The following KCNAB1 variants were observed in gnomAD, a reference collection of about 807,000 sequenced individuals.
The protein encoded by KCNAB1 is potassium voltage-gated channel subfamily A regulatory beta subunit 1, also known as voltage-gated potassium channel subunit beta-1.
A neutral mutation model predicts 64.6 loss-of-function variants in KCNAB1; 35 were observed. The observed-to-expected ratio is 0.54, with a 90% CI of 0.41 to 0.72. The LOEUF (loss-of-function observed/expected upper bound fraction) is 0.72, where lower values mean the gene tolerates loss of function less well. Ranked by LOEUF, KCNAB1 falls within the 30% of genes least tolerant of loss-of-function variation. The pLI is 0.00. For missense variants in KCNAB1, 401 were observed against 512.9 expected (o/e 0.78, Z 2.11); for synonymous variants, 177 against 183.8 (o/e 0.96, Z 0.30).
intron 1 of KCNAB1, among the ~76,000 whole-genome samples, chr3:156,197,079 G>C (rs894933610): frequency 6.6e-6 from 1 of 152,104 alleles, no homozygotes; most frequent in Non-Finnish European, 1.5e-5. Context: ...TTTGTCATTG[G>C]CTCTGTTTAT....
chr3:156,119,638 G>GGGT (rs1713230466), upstream of KCNAB1, among the ~76,000 whole-genome samples: 1 of 152,148 alleles, frequency 6.6e-6, no homozygotes, highest in South Asian at 2.1e-4. Context: ...TTGAGGGGGA[G>GGGT]GGTGCCTGGT....
intron 1 of KCNAB1, among the ~76,000 whole-genome samples, chr3:156,341,505 C>A (rs1020387661): frequency 2.0e-5 from 3 of 152,232 alleles, no homozygotes; most frequent in Admixed American, 1.3e-4. Context: ...TCATTCCCCC[C>A]TCTTGCTACT....
intron 3 of KCNAB1, chr3:156,456,780 A>G (rs934214332): frequency 2.0e-5 from 3 of 152,294 alleles, no homozygotes; most frequent in East Asian, 3.8e-4. Context: ...TAAGCTGTGT[A>G]TAGCTATTCT....
chr3:156,367,489 T>C (rs1426856510), intron 1 of KCNAB1, among the ~76,000 whole-genome samples: 4 of 152,100 alleles, frequency 2.6e-5, no homozygotes, highest in Non-Finnish European at 5.9e-5. Flanking sequence ...CCGAGTAATC[T>C]ATTTTAACAC....
At chr3:156,230,612 A>G (rs1391912438) in intron 1 of KCNAB1, among the ~76,000 whole-genome samples, 1 of 152,222 alleles carries the variant, frequency 6.6e-6, no homozygotes, top group Non-Finnish European at 1.5e-5. Context: ...TGTGGAATTT[A>G]CATGAGAGAG....
At chr3:156,276,650 G>A (rs920130178) in intron 1 of KCNAB1, among the ~76,000 whole-genome samples, 1 of 152,082 alleles carries the variant, frequency 6.6e-6, no homozygotes, top group Non-Finnish European at 1.5e-5. Flanking sequence ...TTTATGTTAT[G>A]GAGATGGCTT....
At chr3:156,461,067 A>G (rs1712870207) in intron 5 of KCNAB1, among the ~76,000 whole-genome samples, 1 of 152,196 alleles carries the variant, frequency 6.6e-6, no homozygotes, top group South Asian at 2.1e-4. Context: ...TTATATATGG[A>G]AAAACATTCA....
intron 1 of KCNAB1, among the ~76,000 whole-genome samples, chr3:156,219,824 C>T (rs1462394646): frequency 1.3e-5 from 2 of 151,892 alleles, no homozygotes; most frequent in African/African-American, 4.8e-5. Context: ...CCCATCAACT[C>T]GTCATTTACA....
At chr3:156,363,591 T>C (rs1444651283) in intron 1 of KCNAB1, among the ~76,000 whole-genome samples, 1 of 152,104 alleles carries the variant, frequency 6.6e-6, no homozygotes, top group Non-Finnish European at 1.5e-5. Flanking sequence ...TTCTGTTGCC[T>C]CAGCCTCCTG....
intron 2 of KCNAB1, among the ~76,000 whole-genome samples, chr3:156,432,572 T>C (rs936821069): frequency 2.0e-5 from 3 of 152,192 alleles, no homozygotes; most frequent in African/African-American, 7.2e-5. Flanking sequence ...GATGAGGTAA[T>C]GAGCAATGGC....
At position 156,454,904 on chromosome 3, in the gene KCNAB1, G is replaced by A. The variant is rs926719122; in HGVS notation, c.357+1968G>A. Among the ~76,000 whole-genome samples the A allele has an allele frequency of 8.7e-4, 133 of 152,120 alleles. 3 individuals carry two copies. Among genetic ancestry groups the A allele is most frequent in the Admixed American group, 2.6e-4 (4 of 15,266 alleles). On this transcript the variant is annotated intron_variant, in intron 3 of 13. Transcript: ENST00000490337. ...GCTGCAATGAGCCAAGCTTGCCCGG[G>A]TCGTAGTGTGAAGGGCTGACCTCTG...
At chr3:156,160,276 T>C (rs931912087) in intron 1 of KCNAB1, among the ~76,000 whole-genome samples, 1 of 152,236 alleles carries the variant, frequency 6.6e-6, no homozygotes, top group Non-Finnish European at 1.5e-5. Context: ...TGAGTGACTA[T>C]ACAATTTAAG....
chr3:156,324,482 T>C lies in KCNAB1; in HGVS notation c.276-97134T>C, dbSNP rs1722849950. ...TTAGTGATTATGTTGAACAGGTTTT[T>C]CAGAGGACACCTCATTTATTCATGC... On this transcript the variant is annotated intron_variant, in intron 1 of 13. Transcript: ENST00000490337. 3.9e-5 allele frequency among the ~76,000 whole-genome samples: 6 copies of C among 152,164 alleles called. No individual in the cohort carries two copies. The South Asian group carries it at 1.2e-3, about 31-fold the overall frequency.
chr3:156,369,094 A>T (rs898906276), intron 1 of KCNAB1, among the ~76,000 whole-genome samples: 4 of 152,186 alleles, frequency 2.6e-5, no homozygotes, highest in African/African-American at 9.7e-5. Flanking sequence ...AGATTTTCTC[A>T]TATCTGTTCC....
intron 1 of KCNAB1, among the ~76,000 whole-genome samples, chr3:156,178,106 G>T (rs1250249171): frequency 6.6e-6 from 1 of 152,132 alleles, no homozygotes; most frequent in Non-Finnish European, 1.5e-5. Context: ...GGGATCCCAG[G>T]GTTAAAGAAA....
intron 4 of KCNAB1, among the ~76,000 whole-genome samples, chr3:156,459,225 A>T (rs974687788): frequency 6.6e-6 from 1 of 152,268 alleles, no homozygotes; most frequent in East Asian, 1.9e-4. Context: ...AGGATGGTGG[A>T]TGCCTTCAGT....
chr3:156,369,386 A>G (rs1256015009), intron 1 of KCNAB1, among the ~76,000 whole-genome samples: 1 of 152,246 alleles, frequency 6.6e-6, no homozygotes, highest in African/African-American at 2.4e-5. Context: ...TATTATAAAT[A>G]AAGCCATCAT....
intron 1 of KCNAB1, among the ~76,000 whole-genome samples, chr3:156,186,848 CTTT>C (rs11293662): frequency 7.0e-6 from 1 of 142,638 alleles, no homozygotes; most frequent in Non-Finnish European, 1.5e-5. Flanking sequence ...TCCTTAGCAT[CTTT>C]TTTTTTTTTT....
rs61017269 is a variant in KCNAB1, at chr3:156,395,544, C to CAAAAAAAAAAAAAAAAA, written c.276-26047_276-26031dup. 2.0e-4 allele frequency among the ~76,000 whole-genome samples: 5 copies of CAAAAAAAAAAAAAAAAA among 25,462 alleles called. 2 individuals are homozygous for CAAAAAAAAAAAAAAAAA. Among genetic ancestry groups the CAAAAAAAAAAAAAAAAA allele is most frequent in the Non-Finnish European group, 4.5e-4 (4 of 8,984 alleles). 16.7% of individuals were successfully genotyped at this position (25,462 alleles called of 152,430 possible). A position where few individuals can be genotyped will look rare whatever the true frequency, so the allele number is the denominator to read the frequency against. ...TGGGCGACAGAGCGAGACTCCGTCT[C>CAAAAAAAAAAAAAAAAA]AAAAAAAAAAAAAAAAAAAAAAAAA... On this transcript the variant is annotated intron_variant, in intron 1 of 13. Transcript: ENST00000490337.
Sources: gnomAD v4.1 joint callset for allele counts (sites outside exome capture counted in the v4.1 genomes callset) on GRCh38, gnomAD v4.1.1 for gene constraint, MANE v1.5 for transcripts, NCBI Gene and HGNC (gene_info 2026-07-23, HGNC 2026-07-21) for gene names.